Variants in PSMA7 observed in about 807,000 individuals in gnomAD.
PSMA7 encodes proteasome subunit alpha type-7.
In PSMA7, 5 loss-of-function variants were observed where a neutral mutation model predicts 31.3. That is an observed-to-expected ratio of 0.16 (90% CI 0.08 to 0.34). PSMA7 has a LOEUF of 0.34. Ranked by LOEUF, PSMA7 falls within the 10% of genes least tolerant of loss-of-function variation. PSMA7 has a pLI of 1.00. For synonymous variants in PSMA7, 155 were observed against 121.9 expected (o/e 1.27, Z -1.79); for missense variants, 217 against 327.5 (o/e 0.66, Z 2.60).
intron 5 of PSMA7, among the ~76,000 whole-genome samples, chr20:62,137,802 C>G (rs2056904229): frequency 6.6e-6 from 1 of 152,208 alleles, no homozygotes; most frequent in South Asian, 2.1e-4. Context: ...CCAACCATAT[C>G]TCCAGTTCTC....
intron 6 of PSMA7, 86 bp from the exon 7 acceptor site, chr20:62,137,035 G>C (rs763390669): frequency 2.0e-6 from 3 of 1,536,540 alleles, no homozygotes; most frequent in Non-Finnish European, 2.6e-6. Flanking sequence ...GCCAGGCTTT[G>C]GCACTGCTGC....
At chr20:62,137,643 C>T (rs1395707235) in intron 5 of PSMA7, among the ~76,000 whole-genome samples, 1 of 152,224 alleles carries the variant, frequency 6.6e-6, no homozygotes, top group Non-Finnish European at 1.5e-5. Flanking sequence ...AGCACTGGGA[C>T]TCCTCTCTCC....
Position 62,138,260 on chromosome 20 carries a change from C to T in PSMA7, c.502G>A (p.Val168Met). 2 of 1,613,266 alleles carry T rather than the reference C, an allele frequency of 1.2e-6. No homozygotes were observed. Among genetic ancestry groups the T allele is most frequent in the Non-Finnish European group, 8.5e-7 (1 of 1,179,446 alleles). ...TAGTTCTTCTCCAGGAACTCGCGCA[C>T]TGACTTGGCACCCCGACCTATGGCA... The part of the protein sequence containing the change: ...ANAIGRGAKS[V>M]REFLEKNYTD... The change falls in exon 5 of 7, where the codon GTG (valine) becomes ATG (methionine). Residue 168 changes from valine to methionine, a missense_variant. Coordinates refer to ENST00000370873, the MANE Select transcript of PSMA7 (RefSeq NM_002792.4).
At chr20:62,140,234 T>A (rs1267048560) in intron 2 of PSMA7, among the ~76,000 whole-genome samples, 1 of 152,218 alleles carries the variant, frequency 6.6e-6, no homozygotes, top group Non-Finnish European at 1.5e-5. Flanking sequence ...AAAACACAGA[T>A]CAACAGGGAC....
At chr20:62,139,581 A>G (rs2056914831) in intron 3 of PSMA7, 200 bp downstream of exon 3, 2 of 870,610 alleles carry the variant, frequency 2.3e-6, no homozygotes, top group East Asian at 2.7e-5. Flanking sequence ...GGAATATCCC[A>G]TGCCAGGAAC....
chr20:62,137,422 A>C lies in PSMA7; in HGVS notation c.596T>G (p.Val199Gly). ...TTCAATGTTTTTGCCACCTGACTGA[A>C]CCACCTTGAAGGGACAGAAGACAGG... is the stretch of plus-strand genomic sequence containing the variant. Reference protein sequence around the residue: ...KLVIKALLEVVQSGGKNIELA... With the variant: ...KLVIKALLEVGQSGGKNIELA... The change falls in exon 6 of 7, where the codon GTT becomes GGT. Residue 199 changes from valine (V) to glycine (G), a missense_variant. By Grantham distance (109) the Val-to-Gly change is moderately radical (BLOSUM62 -3). Transcript: ENST00000370873. 6.2e-7 allele frequency: 1 copy of C among 1,614,082 alleles called. No homozygotes were observed. The highest frequency in any genetic ancestry group is 8.5e-7 in the Non-Finnish European group (1 of 1,179,982).
In PSMA7 at chr20:62,138,269, C is replaced by A; in HGVS notation, c.493G>T (p.Ala165Ser). ...TCCAGGAACTCGCGCACTGACTTGGCACCCCGACCTATGGCATTGGCCTAA... is the reference window on the plus strand; with the variant it reads ...TCCAGGAACTCGCGCACTGACTTGGAACCCCGACCTATGGCATTGGCCTAA... ...AWKANAIGRG[A>S]KSVREFLEKN... is the part of the protein sequence containing the mutation. The change falls in exon 5 of 7, where the codon GCC becomes TCC. Residue 165 changes from alanine to serine, a missense_variant. Around this residue, in one of 3 missense-constraint regions of PSMA7, gnomAD observed 88 missense variants for 111.6 expected, o/e 0.79. Transcript: ENST00000370873. 1 of 1,612,406 alleles carries A rather than the reference C, an allele frequency of 6.2e-7. No individual in the cohort carries two copies. Among genetic ancestry groups the A allele is most frequent in the Non-Finnish European group, 8.5e-7 (1 of 1,178,956 alleles).
chr20:62,139,351 A>C lies in PSMA7; in HGVS notation c.349-154T>G, dbSNP rs530888244. 6.1e-6 allele frequency: 6 copies of C among 988,846 alleles called. No homozygotes were observed. The African/African-American group carries it at 9.8e-5, about 16-fold the overall frequency. The allele number at this position is 988,846 out of a possible 1,614,324, so 61.3% of individuals were successfully genotyped here. On this transcript the variant is annotated intron_variant, in intron 3 of 6. Coordinates refer to ENST00000370873, the MANE Select transcript of PSMA7 (RefSeq NM_002792.4). The stretch of plus-strand genomic sequence containing the variant: ...AATGATACATTAGCCAATAGCTTTC[A>C]ACATCCTTTTCTGCATTTTCACTCC...
intron 3 of PSMA7, chr20:62,139,480 G>A (rs1308807215): frequency 3.1e-6 from 2 of 640,864 alleles, no homozygotes; most frequent in East Asian, 2.7e-5. Flanking sequence ...TGTCCTCATA[G>A]GGTGGCTTCC....
chr20:62,139,665 C>T (rs772627497), intron 3 of PSMA7, 116 bp downstream of exon 3: 10 of 1,535,296 alleles, frequency 6.5e-6, no homozygotes, highest in Admixed American at 3.4e-5. Context: ...ATTAGGATCA[C>T]GCCCCAGAAT....
intron 2 of PSMA7, 78 bp from the exon 3 acceptor site, chr20:62,139,983 T>C: frequency 6.5e-7 from 1 of 1,528,370 alleles, no homozygotes; most frequent in Non-Finnish European, 8.8e-7. Context: ...TGACCCAGCA[T>C]TTAACCTTCC....
At position 62,137,082 on chromosome 20, in the gene PSMA7, CAA is replaced by C. The variant is rs1310009551; in HGVS notation, c.655-135_655-134del. On this transcript the variant is annotated intron_variant, in intron 6 of 6. Coordinates refer to ENST00000370873, the MANE Select transcript of PSMA7 (RefSeq NM_002792.4). ...CTTTGGAGAGGAACCTCAAGAAAAACAAGAGGATGCTGGCCTGACCTAGACAA... is the reference window on the plus strand; with the variant it reads ...CTTTGGAGAGGAACCTCAAGAAAAACGAGGATGCTGGCCTGACCTAGACAA... 6.8e-5 allele frequency: 87 copies of C among 1,271,230 alleles called. No homozygotes were observed. In the East Asian group the frequency reaches 1.7e-3, roughly 24 times the overall value. The allele number at this position is 1,271,230 out of a possible 1,614,324, so 78.7% of individuals were successfully genotyped here.
At chr20:62,137,035 G>A (rs763390669) in intron 6 of PSMA7, 86 bp from the exon 7 acceptor site, 25 of 1,536,536 alleles carry the variant, frequency 1.6e-5, no homozygotes, top group Admixed American at 2.2e-5. Flanking sequence ...GCCAGGCTTT[G>A]GCACTGCTGC....
Position 62,140,854 on chromosome 20 carries a change from A to T in PSMA7, c.187T>A (p.Cys63Ser). Reference sequence around the variant, plus strand: ...ATGCAGACGTTGTCATCCAAAGCACAGATCTTCCGCACTGTTCTTTCATCC... The same window carrying T: ...ATGCAGACGTTGTCATCCAAAGCACTGATCTTCCGCACTGTTCTTTCATCC... ...LQDERTVRKI[C>S]ALDDNVCMAF... is the part of the protein sequence containing the mutation. The change falls in exon 2 of 7, where the codon TGT becomes AGT. Residue 63 changes from cysteine (C) to serine (S), a missense_variant. Physicochemically the swap from Cys to Ser is moderately radical, Grantham distance 112. Coordinates refer to ENST00000370873, the MANE Select transcript of PSMA7 (RefSeq NM_002792.4). 6.2e-7 allele frequency: 1 copy of T among 1,614,246 alleles called. No individual in the cohort carries two copies. Among genetic ancestry groups the T allele is most frequent in the Non-Finnish European group, 8.5e-7 (1 of 1,180,044 alleles).
Position 62,136,765 on chromosome 20 carries a change from A to T in PSMA7, c.*92T>A, listed in dbSNP as rs201416984. ...TACGGAAGTTTATTGTAGGACACTC[A>T]GTGTGAATAAATGGAATGGAAAGGC... On this transcript the variant is annotated 3_prime_UTR_variant, in exon 7 of 7. Transcript: ENST00000370873. The T allele has an allele frequency of 6.2e-5, 92 of 1,484,676 alleles. No homozygotes were observed. The highest frequency in any genetic ancestry group is 8.0e-5 in the Non-Finnish European group (89 of 1,116,590). 92.0% of individuals were successfully genotyped at this position (1,484,676 alleles called of 1,614,324 possible). A position where few individuals can be genotyped will look rare whatever the true frequency, so the allele number is the denominator to read the frequency against.
chr20:62,139,659 G>T, intron 3 of PSMA7, 122 bp downstream of exon 3: 1 of 1,515,538 alleles, frequency 6.6e-7, no homozygotes. Flanking sequence ...GTCAAGATTA[G>T]GATCACGCCC....
chr20:62,137,787 A>G (rs2056904158), intron 5 of PSMA7, among the ~76,000 whole-genome samples: 1 of 152,206 alleles, frequency 6.6e-6, no homozygotes, highest in Non-Finnish European at 1.5e-5. Context: ...AGGTCTTGAC[A>G]AAGCCCAACC....
intron 4 of PSMA7, 28 bp downstream of exon 4, chr20:62,139,047 G>A (rs199697521): frequency 6.2e-7 from 1 of 1,611,244 alleles, no homozygotes. Context: ...TGGCAAGACT[G>A]TCCAAAGCCC....
intron 1 of PSMA7, among the ~76,000 whole-genome samples, chr20:62,141,349 C>T (rs1001439534): frequency 2.6e-5 from 4 of 152,162 alleles, no homozygotes; most frequent in South Asian, 4.1e-4. Flanking sequence ...CTGGGGGGTA[C>T]GTACTCCGGG....
Sources: gnomAD v4.1 joint callset for allele counts (sites outside exome capture counted in the v4.1 genomes callset) on GRCh38, gnomAD v4.1.1 for gene constraint, gnomAD v4.1.1 regional missense constraint, MANE v1.5 for transcripts, NCBI Gene and HGNC (gene_info 2026-07-23, HGNC 2026-07-21) for gene names.